PDE4D: variants seen among roughly 807,000 people sequenced by gnomAD.
PDE4D encodes the protein 3',5'-cyclic-AMP phosphodiesterase 4D.
PDE4D carries 24 observed loss-of-function variants against 87.4 expected under a neutral mutation model. That is an observed-to-expected ratio of 0.27 (90% CI 0.20 to 0.39). PDE4D has a LOEUF of 0.39. Ranked by LOEUF, PDE4D falls within the 10% of genes least tolerant of loss-of-function variation. The pLI is 1.00. For missense variants in PDE4D, 714 were observed against 1,041.0 expected, an observed-to-expected ratio of 0.69 and a Z score of 4.32; for synonymous variants, 384 against 383.2, an observed-to-expected ratio of 1.00 and a Z score of -0.02.
rs141912914 is a variant in PDE4D at position 60,232,769 on chromosome 5, C to T, written c.-89-47082G>A. ...ATGGAATACAAAAGGTAAACTGAAA[C>T]GTGCTCTATGGAGCTAAAATATTTT... On this transcript the variant is annotated intron_variant, in intron 1 of 16. Coordinates refer to the PDE4D transcript ENST00000502484. 5.7e-3 allele frequency among the ~76,000 whole-genome samples: 870 copies of T among 151,830 alleles called. 7 individuals carry two copies. The highest frequency in any genetic ancestry group is 0.02 in the African/African-American group (839 of 41,482).
chr5:59,822,664 C>T (rs1429837177), intron 1 of PDE4D, among the ~76,000 whole-genome samples: 2 of 152,174 alleles, frequency 1.3e-5, no homozygotes, highest in Non-Finnish European at 2.9e-5. Flanking sequence ...CCAAGTAAGG[C>T]ATTTTACAAG....
At chr5:59,657,324 C>T (rs911230720) in intron 1 of PDE4D, among the ~76,000 whole-genome samples, 5 of 152,288 alleles carry the variant, frequency 3.3e-5, no homozygotes, top group Middle Eastern at 3.4e-3. Flanking sequence ...ACCATTGCAA[C>T]TCTGCAGAAT....
At chr5:59,376,787 C>G (rs1302468566) in intron 1 of PDE4D, among the ~76,000 whole-genome samples, 1 of 152,158 alleles carries the variant, frequency 6.6e-6, no homozygotes, top group South Asian at 2.1e-4. Flanking sequence ...TCAAACTATA[C>G]TACAGGGCCA....
chr5:59,219,356 G>A (rs1321056059), intron 1 of PDE4D, among the ~76,000 whole-genome samples: 3 of 151,866 alleles, frequency 2.0e-5, no homozygotes, highest in Non-Finnish European at 4.4e-5. Context: ...CTCAGAATAC[G>A]GTTTGTTCTG....
chr5:59,719,335 C>T (rs773771189), intron 1 of PDE4D, among the ~76,000 whole-genome samples: 1 of 152,090 alleles, frequency 6.6e-6, no homozygotes, highest in Non-Finnish European at 1.5e-5. Flanking sequence ...TGTAGCTGCA[C>T]CTCATTATAT....
At chr5:59,602,820 G>A (rs538103563) in intron 1 of PDE4D, among the ~76,000 whole-genome samples, 74 of 152,098 alleles carry the variant, frequency 4.9e-4, no homozygotes, top group Middle Eastern at 6.8e-3. Flanking sequence ...AAACAGCATC[G>A]TACTTACATA....
intron 3 of PDE4D, among the ~76,000 whole-genome samples, chr5:59,976,293 T>C (rs982337317): frequency 8.5e-5 from 13 of 152,160 alleles, no homozygotes; most frequent in African/African-American, 2.2e-4. Context: ...GGTTTGGGTA[T>C]TTATACCCTC....
At chr5:59,673,946 T>G (rs1347088331) in intron 1 of PDE4D, among the ~76,000 whole-genome samples, 2 of 152,218 alleles carry the variant, frequency 1.3e-5, no homozygotes, top group Non-Finnish European at 2.9e-5. Context: ...TCCAATGAAC[T>G]ATATTTTTGG....
intron 1 of PDE4D, among the ~76,000 whole-genome samples, chr5:59,520,665 TA>T (rs775783011): frequency 6.7e-5 from 10 of 148,504 alleles, no homozygotes; most frequent in Admixed American, 6.8e-5. Flanking sequence ...GAACCTTTAT[TA>T]AAAAAAAAAG....
chr5:60,176,837 A>G (rs1415418137), intron 2 of PDE4D, among the ~76,000 whole-genome samples: 1 of 152,126 alleles, frequency 6.6e-6, no homozygotes, highest in Non-Finnish European at 1.5e-5. Flanking sequence ...TGTTGTGGGC[A>G]GAGTTGTATC....
At chr5:59,402,950 G>A (rs1176209753) in intron 1 of PDE4D, among the ~76,000 whole-genome samples, 1 of 152,014 alleles carries the variant, frequency 6.6e-6, no homozygotes, top group African/African-American at 2.4e-5. Context: ...TCCCTGCAAA[G>A]TAACGTTTAC....
intron 1 of PDE4D, among the ~76,000 whole-genome samples, chr5:59,705,394 A>C (rs924503108): frequency 3.9e-5 from 6 of 152,160 alleles, no homozygotes; most frequent in Non-Finnish European, 7.4e-5. Context: ...AATTGTAAAG[A>C]TAAATTTAAA....
intron 1 of PDE4D, chr5:59,703,615 A>G (rs777054133): frequency 3.7e-6 from 2 of 534,406 alleles, no homozygotes; most frequent in South Asian, 2.8e-5. Context: ...AAATGTTTCT[A>G]CTTTGCACCC....
chr5:59,764,817 G>C (rs1762588435), intron 1 of PDE4D, among the ~76,000 whole-genome samples: 1 of 151,774 alleles, frequency 6.6e-6, no homozygotes, highest in Non-Finnish European at 1.5e-5. Context: ...CACCATGCCT[G>C]GCTAATTTTT....
intron 6 of PDE4D, among the ~76,000 whole-genome samples, chr5:59,025,097 T>C (rs1229417469): frequency 1.3e-5 from 2 of 152,162 alleles, no homozygotes; most frequent in Admixed American, 6.5e-5. Flanking sequence ...CTTTGTTCAA[T>C]CTTTACAGTC....
chr5:59,570,975 G>C (rs1245340555), intron 1 of PDE4D, among the ~76,000 whole-genome samples: 3 of 152,112 alleles, frequency 2.0e-5, no homozygotes, highest in Non-Finnish European at 4.4e-5. Context: ...AAAAAATGCT[G>C]TGTATTTTAC....
chr5:59,805,891 C>G (rs1767677593), intron 1 of PDE4D, among the ~76,000 whole-genome samples: 1 of 152,012 alleles, frequency 6.6e-6, no homozygotes, highest in South Asian at 2.1e-4. Flanking sequence ...CCTGCAAGCA[C>G]TTTTGCCACC....
intron 2 of PDE4D, among the ~76,000 whole-genome samples, chr5:60,009,944 C>T (rs968951105): frequency 2.0e-5 from 3 of 151,942 alleles, no homozygotes; most frequent in African/African-American, 4.8e-5. Flanking sequence ...GGTTATGTGG[C>T]TAATGGCAGT....
At chr5:59,713,052 T>C (rs1384640754) in intron 1 of PDE4D, among the ~76,000 whole-genome samples, 1 of 152,132 alleles carries the variant, frequency 6.6e-6, no homozygotes, top group African/African-American at 2.4e-5. Flanking sequence ...GCAACTATTT[T>C]AGGAATTTGA....
Sources: allele counts gnomAD v4.1 joint callset (sites outside exome capture counted in the v4.1 genomes callset), GRCh38; gene constraint gnomAD v4.1.1; transcripts MANE v1.5; gene names NCBI Gene and HGNC (gene_info 2026-07-23, HGNC 2026-07-21).